Variants in POGLUT1 observed in about 807,000 individuals in gnomAD.
POGLUT1 encodes 9630046K23Rik.
Under a neutral mutation model 61.3 loss-of-function variants are expected in POGLUT1, and 32 were observed. The ratio of observed to expected loss-of-function variants is 0.52; its 90% CI spans 0.39 to 0.70. The LOEUF (loss-of-function observed/expected upper bound fraction) is 0.70. POGLUT1 is among the 30% of genes least tolerant of loss of function. POGLUT1 has a pLI of 0.00. For missense variants in POGLUT1, 411 were observed against 469.8 expected (o/e 0.87, Z 1.16); for synonymous variants, 158 against 158.2 (o/e 1.00, Z 0.01).
At chr3:119,490,484 G>A in intron 8 of POGLUT1, 67 bp from the exon 9 acceptor site, 1 of 1,309,962 alleles carries the variant, frequency 7.6e-7, no homozygotes, top group Non-Finnish European at 1.1e-6. Flanking sequence ...GGGAGAATAA[G>A]CATAAAAGGT....
chr3:119,469,336 G>A, intron 1 of POGLUT1: 1 of 587,364 alleles, frequency 1.7e-6, no homozygotes, highest in Non-Finnish European at 3.0e-6. Context: ...TGACAGGGAG[G>A]AGAGGGAATT....
intron 3 of POGLUT1, among the ~76,000 whole-genome samples, chr3:119,474,892 C>T (rs1168889537): frequency 5.3e-5 from 8 of 151,832 alleles, no homozygotes; most frequent in Non-Finnish European, 8.8e-5. Flanking sequence ...GAAAGAAATA[C>T]GAGCATTTTA....
chr3:119,477,187 A>G (rs573941713), intron 3 of POGLUT1, 126 bp from the exon 4 acceptor site: 51 of 895,986 alleles, frequency 5.7e-5, no homozygotes, highest in Non-Finnish European at 8.4e-5. Flanking sequence ...GAGACTTTGC[A>G]GTAGACTGAT....
rs2081788393 is a variant in POGLUT1 at position 119,494,217 on chromosome 3, G to GTGAGAATCTAATTCTACTCATCT, written c.*1792_*1793insCTACTCATCTTGAGAATCTAATT. 1 of 152,198 alleles carries GTGAGAATCTAATTCTACTCATCT rather than the reference G, an allele frequency of 6.6e-6. No homozygotes were observed. Among genetic ancestry groups the GTGAGAATCTAATTCTACTCATCT allele is most frequent in the African/African-American group, 2.4e-5 (1 of 41,430 alleles). 9.4% of individuals were successfully genotyped at this position (152,198 alleles called of 1,614,324 possible). ...TACTGTTCTGTAAACTTATTAATGGGTGAGAATCTAATTTTACTCATCTTG... is the reference window on the plus strand; with the variant it reads ...TACTGTTCTGTAAACTTATTAATGGGTGAGAATCTAATTCTACTCATCTTGAGAATCTAATTTTACTCATCTTG... On this transcript the variant is annotated 3_prime_UTR_variant, in exon 11 of 11. Transcript: ENST00000295588.
intron 3 of POGLUT1, 145 bp downstream of exon 3, chr3:119,471,597 C>G: frequency 1.3e-6 from 1 of 760,830 alleles, no homozygotes; most frequent in Non-Finnish European, 2.2e-6. Flanking sequence ...GAGCTCTTCT[C>G]CTTGCCTGGG....
intron 5 of POGLUT1, among the ~76,000 whole-genome samples, chr3:119,483,962 C>T (rs1353316483): frequency 1.3e-5 from 2 of 152,186 alleles, no homozygotes; most frequent in Admixed American, 6.5e-5. Context: ...AGATTCCAGA[C>T]GACTTCTTAC....
chr3:119,478,869 G>C (rs1192460270), intron 4 of POGLUT1, among the ~76,000 whole-genome samples: 1 of 149,536 alleles, frequency 6.7e-6, no homozygotes, highest in Non-Finnish European at 1.5e-5. Context: ...AGCACTTTGG[G>C]AGGCCGAGGC....
chr3:119,488,979 C>T lies in POGLUT1; in HGVS notation c.789C>T (p.Cys263=). Residue 263 remains cysteine, a synonymous_variant, in exon 8 of 11, where the codon TGC becomes TGT. Transcript: ENST00000295588. ...AGGATGTCCATCTTGTGGATCACTG[C>T]AAATACAAGTAAGATTTGCAGGACT... ...AAKDVHLVDH[C]KYKYLFNFRG... is the part of the protein sequence containing the mutation. 6.4e-7 allele frequency: 1 copy of T among 1,573,008 alleles called. No individual in the cohort carries two copies. The highest frequency in any genetic ancestry group is 8.7e-7 in the Non-Finnish European group (1 of 1,146,480).
rs572701911 is a variant in POGLUT1 at position 119,493,220 on chromosome 3, C to T, written c.*782C>T. ...ACATAGAACAGCAGCTCTTCCTCACCCTTTGCATACCTTTAATATTTTTCC... is the reference window on the plus strand; with the variant it reads ...ACATAGAACAGCAGCTCTTCCTCACTCTTTGCATACCTTTAATATTTTTCC... On this transcript the variant is annotated 3_prime_UTR_variant, in exon 11 of 11. Coordinates refer to ENST00000295588, the MANE Select transcript of POGLUT1 (RefSeq NM_152305.3). The T allele has an allele frequency of 3.3e-5, 5 of 152,344 alleles. No individual in the cohort carries two copies. The South Asian group carries it at 1.0e-3, about 32-fold the overall frequency. 9.4% of individuals were successfully genotyped at this position (152,344 alleles called of 1,614,324 possible).
rs570136215 is a variant in POGLUT1 at position 119,473,419 on chromosome 3, T to A, written c.320+1967T>A. 6.6e-5 allele frequency among the ~76,000 whole-genome samples: 10 copies of A among 152,294 alleles called. No homozygotes were observed. The South Asian group carries it at 1.9e-3, about 28-fold the overall frequency. ...GCTCAGAACATTTTGGTCATAATCATGAGCTTAGAAATGTTCTGAAGGGAG... is the reference window on the plus strand; with the variant it reads ...GCTCAGAACATTTTGGTCATAATCAAGAGCTTAGAAATGTTCTGAAGGGAG... On this transcript the variant is annotated intron_variant, in intron 3 of 10. Transcript: ENST00000295588.
intron 5 of POGLUT1, among the ~76,000 whole-genome samples, chr3:119,482,562 A>T (rs900679695): frequency 6.6e-6 from 1 of 152,202 alleles, no homozygotes. Flanking sequence ...TTTAAAGTCT[A>T]ATCTTATATG....
At chr3:119,478,540 G>A (rs13078816) in intron 4 of POGLUT1, 65,440 of 394,522 alleles carry the variant, frequency 0.17, 6,162 homozygotes, top group Admixed American at 0.22. Flanking sequence ...AAGTATGACC[G>A]TCGGTATACT....
At position 119,490,732 on chromosome 3, in the gene POGLUT1, C is replaced by T; in HGVS notation, c.965+14C>T. On this transcript the variant is annotated intron_variant, in intron 9 of 10. Coordinates refer to ENST00000295588, the MANE Select transcript of POGLUT1 (RefSeq NM_152305.3). Reference sequence around the variant, plus strand: ...CTCCAATGTCCAGTAAGCAGTTATCCCCCAATGCAGAGTTTCTAAAGACCC... The same window carrying T: ...CTCCAATGTCCAGTAAGCAGTTATCTCCCAATGCAGAGTTTCTAAAGACCC... The T allele has an allele frequency of 6.2e-7, 1 of 1,609,056 alleles. No individual in the cohort carries two copies. Among genetic ancestry groups the T allele is most frequent in the South Asian group, 1.1e-5 (1 of 90,496 alleles).
intron 3 of POGLUT1, chr3:119,471,814 A>G: frequency 3.2e-6 from 1 of 309,048 alleles, no homozygotes; most frequent in Non-Finnish European, 6.2e-6. Context: ...GTCATCGGCC[A>G]GTGTAGTTCT....
At position 119,486,814 on chromosome 3, in the gene POGLUT1, T is replaced by G. The variant is rs775302109; in HGVS notation, c.639-19T>G. The G allele has an allele frequency of 6.5e-7, 1 of 1,535,028 alleles. No homozygotes were observed. Among genetic ancestry groups the G allele is most frequent in the African/African-American group, 1.4e-5 (1 of 73,476 alleles). Reference sequence around the variant, plus strand: ...CTAATACAGGCCACACAGTTTTATGTCACGTGTTTCTTTTATAGGACAAGT... The same window carrying G: ...CTAATACAGGCCACACAGTTTTATGGCACGTGTTTCTTTTATAGGACAAGT... On this transcript the variant is annotated intron_variant, in intron 6 of 10. Coordinates refer to ENST00000295588, the MANE Select transcript of POGLUT1 (RefSeq NM_152305.3).
chr3:119,476,016 T>G (rs1577078777), intron 3 of POGLUT1, among the ~76,000 whole-genome samples: 1 of 147,726 alleles, frequency 6.8e-6, no homozygotes, highest in South Asian at 2.2e-4. Flanking sequence ...AGTTGCCAGG[T>G]GTGTTGGCAC....
chr3:119,484,433 A>G (rs773880862), intron 5 of POGLUT1, among the ~76,000 whole-genome samples: 1 of 152,196 alleles, frequency 6.6e-6, no homozygotes, highest in Non-Finnish European at 1.5e-5. Context: ...AGAATGATGC[A>G]TCTGTGAGCT....
chr3:119,481,343 G>T (rs187113207), intron 5 of POGLUT1, among the ~76,000 whole-genome samples: 1 of 152,246 alleles, frequency 6.6e-6, no homozygotes, highest in East Asian at 1.9e-4. Flanking sequence ...CAAGCTGTAG[G>T]TATTTCTTAC....
chr3:119,491,490 TCA>T (rs2081744875), intron 9 of POGLUT1, 26 bp from the exon 10 acceptor site: 2 of 1,210,392 alleles, frequency 1.7e-6, no homozygotes, highest in South Asian at 1.3e-5. Flanking sequence ...GGTCTATATT[TCA>T]CAGTCTAAAA....
Sources: allele counts gnomAD v4.1 joint callset (sites outside exome capture counted in the v4.1 genomes callset), GRCh38; gene constraint gnomAD v4.1.1; transcripts MANE v1.5; gene names NCBI Gene and HGNC (gene_info 2026-07-23, HGNC 2026-07-21).